CHD5: variants seen among roughly 807,000 people sequenced by gnomAD.
The protein encoded by CHD5 is chromodomain helicase DNA binding protein 5.
CHD5 carries 69 observed loss-of-function variants against 230.3 expected under a neutral mutation model. The ratio of observed to expected loss-of-function variants is 0.30; its 90% CI spans 0.25 to 0.37. The LOEUF (loss-of-function observed/expected upper bound fraction) is 0.37. Among genes scored for constraint, CHD5 ranks in the 10% least tolerant of loss-of-function variants. CHD5 has a pLI of 1.00. For synonymous variants in CHD5, 1,064 were observed against 1,065.9 expected (o/e 1.00, Z 0.03); for missense variants, 1,827 against 2,622.8 (o/e 0.70, Z 6.63).
intron 1 of CHD5, among the ~76,000 whole-genome samples, chr1:6,171,317 C>T (rs1667335067): frequency 6.6e-6 from 1 of 152,224 alleles, no homozygotes; most frequent in South Asian, 2.1e-4. Context: ...ACCCCAGCTC[C>T]GTTCCCAGAA....
chr1:6,170,359 C>T (rs1056596600), intron 1 of CHD5, among the ~76,000 whole-genome samples: 1 of 152,196 alleles, frequency 6.6e-6, no homozygotes, highest in Non-Finnish European at 1.5e-5. Flanking sequence ...GGCTCCTACC[C>T]TGGGTCTCTG....
chr1:6,142,803 G>A lies in CHD5; in HGVS notation c.2044-198C>T, dbSNP rs1042121715. Among the ~76,000 whole-genome samples, 4 of 152,186 alleles carry A rather than the reference G, an allele frequency of 2.6e-5. No individual in the cohort carries two copies. Among genetic ancestry groups the A allele is most frequent in the African/African-American group, 4.8e-5 (2 of 41,444 alleles). On this transcript the variant is annotated intron_variant, in intron 13 of 41. Coordinates refer to ENST00000262450, the MANE Select transcript of CHD5 (RefSeq NM_015557.3). This position sits in a 1 kb window ranked among gnomAD's most constrained non-coding sequence, Gnocchi z 5.2. ...CCCTGACTCCCAGCCTGGCTGAAGT[G>A]CTCCCACAGTGTCCTCCCATGGCAG...
In CHD5 at chr1:6,125,959, G is replaced by C. The variant is rs1378168233; in HGVS notation, c.4079-101C>G. 4.9e-6 allele frequency: 4 copies of C among 812,594 alleles called. No individual in the cohort carries two copies. In the South Asian group the frequency reaches 6.0e-5, roughly 12 times the overall value. The allele number at this position is 812,594 out of a possible 1,614,324, so 50.3% of individuals were successfully genotyped here. A position where few individuals can be genotyped will look rare whatever the true frequency, so the allele number is the denominator to read the frequency against. On this transcript the variant is annotated intron_variant, in intron 26 of 41. Coordinates refer to ENST00000262450, the MANE Select transcript of CHD5 (RefSeq NM_015557.3). The surrounding 1 kb of genome is among the most constrained non-coding windows in gnomAD (Gnocchi z 6.7). ...GGCCACGCCGAGCCCCTGCACCCCA[G>C]CTCCATAAAAAAGCAGTGACAATGG... is the stretch of plus-strand genomic sequence containing the variant.
chr1:6,151,023 G>C lies in CHD5; in HGVS notation c.994+9C>G, dbSNP rs1172800544. ...GCAGGCCAAGAACTCTCTGGAAGGGGAGTCATACTCCTCTTCTTCTTGCGC... is the reference window on the plus strand; with the variant it reads ...GCAGGCCAAGAACTCTCTGGAAGGGCAGTCATACTCCTCTTCTTCTTGCGC... On this transcript the variant is annotated intron_variant, in intron 7 of 41. Transcript: ENST00000262450. 6.5e-7 allele frequency: 1 copy of C among 1,541,246 alleles called. No homozygotes were observed. The highest frequency in any genetic ancestry group is 8.8e-7 in the Non-Finnish European group (1 of 1,135,854).
Position 6,113,741 on chromosome 1 carries a change from G to A in CHD5, c.4913-743C>T, listed in dbSNP as rs114448848. 3.7e-3 allele frequency among the ~76,000 whole-genome samples: 569 copies of A among 152,332 alleles called. 8 individuals carry two copies. Among genetic ancestry groups the A allele is most frequent in the African/African-American group, 0.013 (546 of 41,572 alleles). ...AGTGAGATGGCCTGTCTCCACCACA[G>A]GATCAAGGAAAAGAAGGTCTCCAGT... On this transcript the variant is annotated intron_variant, in intron 33 of 41. Coordinates refer to ENST00000262450, the MANE Select transcript of CHD5 (RefSeq NM_015557.3).
Position 6,168,225 on chromosome 1 carries a change from G to A in CHD5, c.132C>T (p.Pro44=), listed in dbSNP as rs138961166. The A allele has an allele frequency of 5.0e-5, 80 of 1,611,378 alleles. No homozygotes were observed. The highest frequency in any genetic ancestry group is 5.7e-5 in the Non-Finnish European group (67 of 1,177,970). Residue 44 remains proline, a synonymous_variant, in exon 2 of 42, where the codon CCC becomes CCT. Transcript: ENST00000262450. The part of the protein sequence containing the change: ...EAFDDFFPVE[P]VSLPKKKKPK... ...GTTTCTTCTTCTTAGGAAGGCTCAC[G>A]GGCTCCACAGGGAAAAAGTCATCGA...
chr1:6,125,876 GA>G lies in CHD5; in HGVS notation c.4079-19del. On this transcript the variant is annotated intron_variant, in intron 26 of 41. Transcript: ENST00000262450. The surrounding 1 kb of genome is among the most constrained non-coding windows in gnomAD (Gnocchi z 6.7). Reference sequence around the variant, plus strand: ...CTGCCACTCTGCAGGGGGCCAGACAGAGGGGCACGGAGTGAGCTGTACAAGC... The same window carrying G: ...CTGCCACTCTGCAGGGGGCCAGACAGGGGGCACGGAGTGAGCTGTACAAGC... 1 of 1,587,008 alleles carries G rather than the reference GA, an allele frequency of 6.3e-7. No individual in the cohort carries two copies. The highest frequency in any genetic ancestry group is 1.3e-5 in the African/African-American group (1 of 74,540).
intron 20 of CHD5, among the ~76,000 whole-genome samples, chr1:6,133,648 C>G (rs559263316): frequency 6.6e-6 from 1 of 152,370 alleles, no homozygotes; most frequent in African/African-American, 2.4e-5. Flanking sequence ...TCCCTGCACC[C>G]ATGTGCCAGC....
intron 1 of CHD5, among the ~76,000 whole-genome samples, chr1:6,175,279 C>CATGGATGGATGGTGGATGGATGA (rs1667407163): frequency 1.3e-5 from 1 of 79,404 alleles, no homozygotes; most frequent in African/African-American, 8.1e-5. Flanking sequence ...TGGATGGATG[C>CATGGATGGATGGTGGATGGATGA]ATGGATGGAT....
intron 7 of CHD5, among the ~76,000 whole-genome samples, chr1:6,149,635 A>G (rs1666968962): frequency 6.6e-6 from 1 of 152,224 alleles, no homozygotes; most frequent in African/African-American, 2.4e-5. Flanking sequence ...GAGTGGGTGG[A>G]TGGGTAGAAA....
chr1:6,180,058 C>G lies in CHD5; in HGVS notation c.-35G>C. ...GGGGAGGAGGGGAGGTGGGCGCCCC[C>G]CCTCCCGCCGGGCGCGGTGCCAGCC... On this transcript the variant is annotated 5_prime_UTR_variant, in exon 1 of 42. Coordinates refer to ENST00000262450, the MANE Select transcript of CHD5 (RefSeq NM_015557.3). 1 of 1,186,742 alleles carries G rather than the reference C, an allele frequency of 8.4e-7. No individual in the cohort carries two copies. Among genetic ancestry groups the G allele is most frequent in the African/African-American group, 1.6e-5 (1 of 61,708 alleles). The allele number at this position is 1,186,742 out of a possible 1,614,324, so 73.5% of individuals were successfully genotyped here.
At position 6,146,848 on chromosome 1, in the gene CHD5, G is replaced by A; in HGVS notation, c.1407C>T (p.Val469=). The A allele has an allele frequency of 6.5e-7, 1 of 1,529,822 alleles. No homozygotes were observed. Among genetic ancestry groups the A allele is most frequent in the Non-Finnish European group, 8.8e-7 (1 of 1,136,512 alleles). The allele number at this position is 1,529,822 out of a possible 1,614,324, so 94.8% of individuals were successfully genotyped here. The part of the protein sequence containing the change: ...RCTCPPLKGK[V]QRILHWRWTE... ...TCCACCTCCAGTGTAGAATCCGCTGGACTTTGCCCTTCAGTGGGGGGCACT... is the reference window on the plus strand; with the variant it reads ...TCCACCTCCAGTGTAGAATCCGCTGAACTTTGCCCTTCAGTGGGGGGCACT... The change falls in exon 10 of 42, where the codon GTC becomes GTT. Residue 469 remains valine (V), a synonymous_variant. Coordinates refer to ENST00000262450, the MANE Select transcript of CHD5 (RefSeq NM_015557.3). The surrounding 1 kb of genome is among the most constrained non-coding windows in gnomAD (Gnocchi z 5.1).
intron 15 of CHD5, among the ~76,000 whole-genome samples, chr1:6,138,741 C>T (rs1666782634): frequency 6.6e-6 from 1 of 152,194 alleles, no homozygotes; most frequent in African/African-American, 2.4e-5. Flanking sequence ...CCATATGATC[C>T]GGCAGTTCCA....
At chr1:6,173,534 T>C (rs1330956451) in intron 1 of CHD5, among the ~76,000 whole-genome samples, 1 of 152,086 alleles carries the variant, frequency 6.6e-6, no homozygotes, top group Non-Finnish European at 1.5e-5. Context: ...CTGGAGGTGA[T>C]ACCAGCAAGT....
At chr1:6,143,027 A>G (rs1203234083) in intron 13 of CHD5, among the ~76,000 whole-genome samples, 1 of 151,794 alleles carries the variant, frequency 6.6e-6, no homozygotes, top group African/African-American at 2.4e-5. Context: ...CAACGCCCCC[A>G]GTAACAGGCT....
In CHD5 at chr1:6,125,962, C is replaced by G; in HGVS notation, c.4079-104G>C. 2.5e-6 allele frequency: 2 copies of G among 797,472 alleles called. No homozygotes were observed. Among genetic ancestry groups the G allele is most frequent in the South Asian group, 1.5e-5 (1 of 65,748 alleles). The allele number at this position is 797,472 out of a possible 1,614,324, so 49.4% of individuals were successfully genotyped here. A position where few individuals can be genotyped will look rare whatever the true frequency, so the allele number is the denominator to read the frequency against. On this transcript the variant is annotated intron_variant, in intron 26 of 41. Transcript: ENST00000262450. This position sits in a 1 kb window ranked among gnomAD's most constrained non-coding sequence, Gnocchi z 6.7. ...CACGCCGAGCCCCTGCACCCCAGCT[C>G]CATAAAAAAGCAGTGACAATGGCCC... is the stretch of plus-strand genomic sequence containing the variant.
intron 33 of CHD5, among the ~76,000 whole-genome samples, chr1:6,120,400 G>T (rs1002675669): frequency 3.3e-5 from 5 of 151,858 alleles, no homozygotes; most frequent in African/African-American, 2.4e-5. Flanking sequence ...CGGGCAAGGT[G>T]GCTCATGCCT....
intron 1 of CHD5, among the ~76,000 whole-genome samples, chr1:6,178,811 C>A (rs1251825805): frequency 6.6e-6 from 1 of 152,090 alleles, no homozygotes; most frequent in Non-Finnish European, 1.5e-5. Flanking sequence ...CCCCAGAAGA[C>A]GCTGGCTGCT....
In CHD5 at chr1:6,106,543, C is replaced by T. The variant is rs373697710; in HGVS notation, c.5743-34G>A. On this transcript the variant is annotated intron_variant, in intron 39 of 41. Transcript: ENST00000262450. ...AAGGACTCAGCTTCACAGGTGGTCT[C>T]AGGCCCCCCACCCAGCCTCCACCCA... 1.4e-4 allele frequency: 220 copies of T among 1,550,436 alleles called. No homozygotes were observed. The East Asian group carries it at 3.4e-3, about 24-fold the overall frequency.
Sources: gnomAD v4.1 joint callset for allele counts (sites outside exome capture counted in the v4.1 genomes callset) on GRCh38, gnomAD v4.1.1 for gene constraint, Gnocchi (gnomAD v3.1) non-coding constraint, MANE v1.5 for transcripts, NCBI Gene and HGNC (gene_info 2026-07-23, HGNC 2026-07-21) for gene names.